DLGAP1: variants seen among roughly 807,000 people sequenced by gnomAD.
DLGAP1 encodes the protein DLG associated protein 1.
A neutral mutation model predicts 90.8 loss-of-function variants in DLGAP1; 11 were observed. The observed-to-expected ratio is 0.12, with a 90% CI of 0.08 to 0.20. DLGAP1 has a LOEUF of 0.20. DLGAP1 is among the 10% of genes least tolerant of loss of function. The probability of loss-of-function intolerance (pLI) is 1.00; values close to 1 mark genes in which losing one functional copy is unlikely to be tolerated. For missense variants in DLGAP1, 1,050 were observed against 1,333.8 expected (o/e 0.79, Z 3.31); for synonymous variants, 558 against 540.7 (o/e 1.03, Z -0.44).
Position 4,121,137 on chromosome 18 carries a change from T to C in DLGAP1, c.-159+30043A>G, listed in dbSNP as rs1598434926. Among the ~76,000 whole-genome samples the C allele has an allele frequency of 7.9e-5, 12 of 152,208 alleles. No individual in the cohort carries two copies. The South Asian group carries it at 2.5e-3, about 32-fold the overall frequency. On this transcript the variant is annotated intron_variant, in intron 2 of 12. Coordinates refer to ENST00000315677, the MANE Select transcript of DLGAP1 (RefSeq NM_004746.4). ...GTGAGGTGGGATAGAGATTGGGCCA[T>C]GCCAGTTAGGCCATTAGGAAAGACC...
chr18:3,963,552 A>C (rs2073251366), intron 3 of DLGAP1, among the ~76,000 whole-genome samples: 1 of 145,758 alleles, frequency 6.9e-6, no homozygotes, highest in Non-Finnish European at 1.5e-5. Context: ...TTTACCTTTG[A>C]AGCTCCATTC....
At position 3,725,777 on chromosome 18, in the gene DLGAP1, T is replaced by G. The variant is rs563751131; in HGVS notation, c.1591+3358A>C. ...GAAGCATAACTTTAAGTTCCGTAAC[T>G]TCATCCTTAATTTTTCCTGATTTGC... On this transcript the variant is annotated intron_variant, in intron 7 of 12. Transcript: ENST00000315677. Among the ~76,000 whole-genome samples the G allele has an allele frequency of 1.4e-3, 218 of 152,282 alleles. 1 individual carries two copies. Among genetic ancestry groups the G allele is most frequent in the African/African-American group, 5.1e-3 (213 of 41,568 alleles).
At chr18:3,949,296 G>C (rs2072936676) in intron 3 of DLGAP1, among the ~76,000 whole-genome samples, 2 of 152,116 alleles carry the variant, frequency 1.3e-5, no homozygotes, top group African/African-American at 4.8e-5. Flanking sequence ...TCCTTCAGTG[G>C]GAGGCTTGGT....
At chr18:4,348,020 TTATAAATAAA>T (rs2081331508) in intron 1 of DLGAP1, among the ~76,000 whole-genome samples, 1 of 152,128 alleles carries the variant, frequency 6.6e-6, no homozygotes, top group Non-Finnish European at 1.5e-5. Context: ...GTACATTGCA[TTATAAATAAA>T]TAACCACAGT....
In DLGAP1 at chr18:3,552,547, C is replaced by T. The variant is rs191835125; in HGVS notation, c.2057+14943G>A. On this transcript the variant is annotated intron_variant, in intron 9 of 12. Transcript: ENST00000315677. ...TGTAGAGGGTTCTGTGCCTTGCTGT[C>T]GGGACCCTGGGGGCTGAGCGAGCCT... Among the ~76,000 whole-genome samples, 162 of 152,240 alleles carry T rather than the reference C, an allele frequency of 1.1e-3. 3 individuals are homozygous for T. The highest frequency in any genetic ancestry group is 9.2e-3 in the Admixed American group (140 of 15,298).
At chr18:4,430,322 G>T (rs980775661) in intron 1 of DLGAP1, among the ~76,000 whole-genome samples, 3 of 152,074 alleles carry the variant, frequency 2.0e-5, no homozygotes, top group Non-Finnish European at 4.4e-5. Context: ...TAGCTAAAAA[G>T]CGATATTCAC....
At chr18:3,606,339 G>A (rs1193031247) in intron 7 of DLGAP1, among the ~76,000 whole-genome samples, 1 of 152,142 alleles carries the variant, frequency 6.6e-6, no homozygotes, top group Admixed American at 6.5e-5. Flanking sequence ...TAAAGAATTC[G>A]CTGCTCTCAA....
At chr18:4,144,301 T>G (rs1568419370) in intron 2 of DLGAP1, among the ~76,000 whole-genome samples, 1 of 152,132 alleles carries the variant, frequency 6.6e-6, no homozygotes, top group Non-Finnish European at 1.5e-5. Flanking sequence ...GGACAGACAA[T>G]TCCCCTCTGG....
chr18:3,771,942 G>T (rs1157455824), intron 5 of DLGAP1, among the ~76,000 whole-genome samples: 12 of 152,092 alleles, frequency 7.9e-5, no homozygotes, highest in Admixed American at 7.9e-4. Context: ...TTCTGAGTTC[G>T]CATTTCTGTG....
chr18:3,996,777 ATC>A (rs1356581948), intron 3 of DLGAP1, among the ~76,000 whole-genome samples: 1 of 152,070 alleles, frequency 6.6e-6, no homozygotes, highest in Non-Finnish European at 1.5e-5. Flanking sequence ...TTGAAAATAT[ATC>A]TGTTTTCCAT....
At chr18:4,026,250 G>A (rs2074697077) in intron 2 of DLGAP1, among the ~76,000 whole-genome samples, 1 of 152,212 alleles carries the variant, frequency 6.6e-6, no homozygotes, top group Non-Finnish European at 1.5e-5. Flanking sequence ...AACCATGCCA[G>A]GGGTCAGTGG....
At chr18:3,626,617 A>C (rs2058306426) in intron 7 of DLGAP1, among the ~76,000 whole-genome samples, 1 of 151,258 alleles carries the variant, frequency 6.6e-6, no homozygotes, top group South Asian at 2.1e-4. Flanking sequence ...AAAAGCAAAG[A>C]AAAGAAAGCT....
chr18:3,650,902 A>G (rs1238827672), intron 7 of DLGAP1, among the ~76,000 whole-genome samples: 3 of 146,588 alleles, frequency 2.0e-5, no homozygotes, highest in East Asian at 4.0e-4. Context: ...CCCTGTCTCT[A>G]TTAAAATACA....
intron 2 of DLGAP1, among the ~76,000 whole-genome samples, chr18:4,137,266 T>G (rs2144270741): frequency 6.6e-6 from 1 of 152,320 alleles, no homozygotes; most frequent in East Asian, 1.9e-4. Context: ...TTCCATGGTG[T>G]ATATGTGCCA....
intron 5 of DLGAP1, among the ~76,000 whole-genome samples, chr18:3,743,030 C>T (rs886307444): frequency 4.0e-5 from 6 of 150,202 alleles, no homozygotes; most frequent in Non-Finnish European, 2.9e-5. Flanking sequence ...AATTGAACTT[C>T]GTGAACAGAA....
chr18:3,867,581 C>T (rs537704521), intron 4 of DLGAP1, among the ~76,000 whole-genome samples: 50 of 152,200 alleles, frequency 3.3e-4, no homozygotes, highest in Non-Finnish European at 5.3e-4. Flanking sequence ...AGCATGGGCA[C>T]AGTGTTCCAG....
At chr18:4,447,136 C>T (rs550624034) in intron 1 of DLGAP1, among the ~76,000 whole-genome samples, 3 of 152,096 alleles carry the variant, frequency 2.0e-5, no homozygotes, top group African/African-American at 4.8e-5. Flanking sequence ...TGTGAAGATA[C>T]GACTATTACC....
intron 1 of DLGAP1, among the ~76,000 whole-genome samples, chr18:4,212,543 G>A (rs1157160587): frequency 2.7e-5 from 4 of 148,670 alleles, no homozygotes; most frequent in Non-Finnish European, 5.9e-5. Flanking sequence ...GTGGTGGTGC[G>A]TGCCTGTAAT....
chr18:3,907,147 G>T (rs987594072), intron 3 of DLGAP1, among the ~76,000 whole-genome samples: 2 of 144,320 alleles, frequency 1.4e-5, no homozygotes, highest in Non-Finnish European at 3.1e-5. Context: ...GTCAGTGGGG[G>T]CAGGGCGGGG....
Sources: allele counts gnomAD v4.1 joint callset (sites outside exome capture counted in the v4.1 genomes callset), GRCh38; gene constraint gnomAD v4.1.1; transcripts MANE v1.5; gene names NCBI Gene and HGNC (gene_info 2026-07-23, HGNC 2026-07-21).